SMG5: variants seen among roughly 807,000 people sequenced by gnomAD.
The protein encoded by SMG5 is SMG5 nonsense mediated mRNA decay factor.
Under a neutral mutation model 122.9 loss-of-function variants are expected in SMG5, and 53 were observed. The observed-to-expected ratio is 0.43, with a 90% CI of 0.35 to 0.54. The LOEUF is 0.54. SMG5 is among the 20% of genes least tolerant of loss of function. The pLI, the probability that SMG5 is intolerant of heterozygous loss-of-function variation, is 0.01. For synonymous variants in SMG5, 477 were observed against 490.2 expected (o/e 0.97, Z 0.35); for missense variants, 1,153 against 1,285.6 (o/e 0.90, Z 1.58).
At chr1:156,251,741 G>A (rs1049286445) in intron 19 of SMG5, among the ~76,000 whole-genome samples, 1 of 152,174 alleles carries the variant, frequency 6.6e-6, no homozygotes, top group African/African-American at 2.4e-5. Flanking sequence ...TTCAAGTCAG[G>A]GCTTCTGGAG....
At chr1:156,285,463 G>T (rs764758816), upstream of SMG5, 1 of 1,614,104 alleles carries the variant, frequency 6.2e-7, no homozygotes, top group South Asian at 1.1e-5. Context: ...TGCCCTGGGG[G>T]ACTGGCCCTC....
chr1:156,272,409 AG>A lies in SMG5; in HGVS notation c.635-12del. The A allele has an allele frequency of 2.5e-6, 4 of 1,595,300 alleles. No individual in the cohort carries two copies. Among genetic ancestry groups the A allele is most frequent in the Non-Finnish European group, 3.4e-6 (4 of 1,168,526 alleles). The stretch of plus-strand genomic sequence containing the variant: ...GATTGAAGGGCATTCCTAGGGAGAA[AG>A]AGAATTCATGCAGTCTAAGGCCACA... On this transcript the variant is annotated splice_polypyrimidine_tract_variant and intron_variant, in intron 6 of 21. Coordinates refer to ENST00000361813, the MANE Select transcript of SMG5 (RefSeq NM_015327.3).
chr1:156,288,594 A>T, the SMG5 span, among the ~76,000 whole-genome samples: 1 of 151,662 alleles, frequency 6.6e-6, no homozygotes, highest in Non-Finnish European at 1.5e-5. Flanking sequence ...CATCTTGGCC[A>T]CCCAAAGTGC....
chr1:156,285,526 G>C, upstream of SMG5: 2 of 1,614,200 alleles, frequency 1.2e-6, no homozygotes, highest in South Asian at 1.1e-5. Context: ...TTGAACCAGA[G>C]CCCCCTGAGT....
Position 156,257,212 on chromosome 1 carries a change from C to T in SMG5, c.2442+1793G>A, listed in dbSNP as rs1376270368. On this transcript the variant is annotated intron_variant, in intron 16 of 21. Transcript: ENST00000361813. ...AAAGTGCTGAGATTATAGGCGTGAG[C>T]CACAGAGCCCAGCCTACTGTTTCTT... Among the ~76,000 whole-genome samples the T allele has an allele frequency of 2.6e-5, 4 of 152,196 alleles. No individual in the cohort carries two copies. The South Asian group carries it at 6.2e-4, about 24-fold the overall frequency.
chr1:156,285,371 G>T (rs138995703), upstream of SMG5: 1 of 1,582,438 alleles, frequency 6.3e-7, no homozygotes, highest in African/African-American at 1.3e-5. Flanking sequence ...GTCCCTCAGA[G>T]TGGGGTCTTC....
chr1:156,282,577 T>G (rs759324768), intron 1 of SMG5, 30 bp downstream of exon 1: 1 of 1,592,000 alleles, frequency 6.3e-7, no homozygotes, highest in Non-Finnish European at 8.5e-7. Flanking sequence ...CTTCCCTCGG[T>G]GGCTGCTCTC....
chr1:156,259,801 G>C (rs909261349), intron 15 of SMG5, among the ~76,000 whole-genome samples: 1 of 152,118 alleles, frequency 6.6e-6, no homozygotes, highest in Non-Finnish European at 1.5e-5. Context: ...CCAAGTGCTG[G>C]GATTACAAAG....
At chr1:156,289,131 G>C in the SMG5 span, among the ~76,000 whole-genome samples, 1 of 152,182 alleles carries the variant, frequency 6.6e-6, no homozygotes, top group Non-Finnish European at 1.5e-5. Flanking sequence ...TGTAAAATGA[G>C]GTCGTTATGA....
chr1:156,281,152 T>C (rs1457333708), intron 1 of SMG5, among the ~76,000 whole-genome samples: 1 of 152,214 alleles, frequency 6.6e-6, no homozygotes, highest in South Asian at 2.1e-4. Flanking sequence ...AAAACAGTGA[T>C]TGGCTGCCTC....
chr1:156,286,346 C>G (rs762551106), upstream of SMG5: 6 of 1,614,176 alleles, frequency 3.7e-6, no homozygotes, highest in Admixed American at 1.0e-4. Context: ...GATCCACCGG[C>G]GATATGTGGC....
At position 156,267,628 on chromosome 1, in the gene SMG5, A is replaced by G; in HGVS notation, c.959T>C (p.Phe320Ser). The change falls in exon 10 of 22, where the codon TTC becomes TCC. Residue 320 changes from phenylalanine to serine, a missense_variant. Transcript: ENST00000361813. ...GGGCAGGTAGAAGAGGCAGAGGTTGAAGTCCTCCAGGACTGACTGGCAAAG... is the reference window on the plus strand; with the variant it reads ...GGGCAGGTAGAAGAGGCAGAGGTTGGAGTCCTCCAGGACTGACTGGCAAAG... ...TSLCQSVLEDFNLCLFYLPSS... is the reference protein window; with the variant it reads ...TSLCQSVLEDSNLCLFYLPSS... The G allele has an allele frequency of 1.2e-6, 2 of 1,613,214 alleles. No individual in the cohort carries two copies. The highest frequency in any genetic ancestry group is 1.7e-6 in the Non-Finnish European group (2 of 1,179,836).
rs1031641049 is a variant in SMG5, at chr1:156,251,160, G to A, written c.2829-164C>T. 4 of 1,007,674 alleles carry A rather than the reference G, an allele frequency of 4.0e-6. No homozygotes were observed. In the African/African-American group the frequency reaches 4.8e-5, roughly 12 times the overall value. The allele number at this position is 1,007,674 out of a possible 1,614,324, so 62.4% of individuals were successfully genotyped here. Reference sequence around the variant, plus strand: ...AGACATATGGGGAGCAGGCAAAGGTGCATTGAGGGAAAACACCAAGCCTGA... The same window carrying A: ...AGACATATGGGGAGCAGGCAAAGGTACATTGAGGGAAAACACCAAGCCTGA... On this transcript the variant is annotated intron_variant, in intron 20 of 21. Transcript: ENST00000361813.
At chr1:156,278,428 G>A (rs1662785491) in intron 2 of SMG5, among the ~76,000 whole-genome samples, 1 of 151,036 alleles carries the variant, frequency 6.6e-6, no homozygotes, top group African/African-American at 2.4e-5. Flanking sequence ...GCAGTGGCGG[G>A]ATCATAGCAC....
intron 10 of SMG5, among the ~76,000 whole-genome samples, chr1:156,267,203 T>C (rs1224570665): frequency 6.6e-6 from 1 of 152,212 alleles, no homozygotes; most frequent in Non-Finnish European, 1.5e-5. Context: ...CTGACCCTTG[T>C]GTCTGCACAG....
At chr1:156,251,034 C>T in intron 20 of SMG5, 38 bp from the exon 21 acceptor site, 2 of 1,605,584 alleles carry the variant, frequency 1.2e-6, no homozygotes, top group South Asian at 2.2e-5. Flanking sequence ...GGGCCAAGAC[C>T]CAGCATTAGC....
chr1:156,277,320 C>G, intron 3 of SMG5, 79 bp from the exon 4 acceptor site: 1 of 1,481,018 alleles, frequency 6.8e-7, no homozygotes, highest in Non-Finnish European at 9.1e-7. Context: ...CTGTTCATCT[C>G]ACTTGGCTCT....
chr1:156,267,208 G>C (rs1010417724), intron 10 of SMG5, among the ~76,000 whole-genome samples: 1 of 152,220 alleles, frequency 6.6e-6, no homozygotes, highest in Non-Finnish European at 1.5e-5. Flanking sequence ...CCTTGTGTCT[G>C]CACAGGCCCT....
At chr1:156,258,652 T>TG (rs1661680955) in intron 16 of SMG5, among the ~76,000 whole-genome samples, 2 of 152,194 alleles carry the variant, frequency 1.3e-5, no homozygotes, top group South Asian at 4.1e-4. Context: ...AAAAATTAGC[T>TG]GGGCGTGGTG....
Sources: allele counts gnomAD v4.1 joint callset (sites outside exome capture counted in the v4.1 genomes callset), GRCh38; gene constraint gnomAD v4.1.1; transcripts MANE v1.5; gene names NCBI Gene and HGNC (gene_info 2026-07-23, HGNC 2026-07-21).